DAGLB: variants seen among roughly 807,000 people sequenced by gnomAD.
The protein encoded by DAGLB is diacylglycerol lipase beta.
DAGLB carries 66 observed loss-of-function variants against 72.1 expected under a neutral mutation model. That is an observed-to-expected ratio of 0.92 (90% confidence interval 0.75 to 1.12). The LOEUF (loss-of-function observed/expected upper bound fraction) is 1.12, where lower values mean the gene tolerates loss of function less well. Among genes scored for constraint, DAGLB ranks in the 50% most tolerant of loss-of-function variants. The probability of loss-of-function intolerance (pLI) is 0.00; values close to 1 mark genes in which losing one functional copy is unlikely to be tolerated. For synonymous variants in DAGLB, 414 were observed against 359.5 expected (o/e 1.15, Z -1.71); for missense variants, 1,065 against 884.9 (o/e 1.20, Z -2.58).
intron 3 of DAGLB, among the ~76,000 whole-genome samples, chr7:6,436,100 A>AG (rs1345887917): frequency 9.2e-5 from 14 of 152,186 alleles, no homozygotes; most frequent in Non-Finnish European, 1.3e-4. Context: ...AAAAAAAAAA[A>AG]AGAGAGAGAG....
chr7:6,443,225 A>G (rs1176967147), intron 2 of DAGLB, among the ~76,000 whole-genome samples: 1 of 146,274 alleles, frequency 6.8e-6, no homozygotes, highest in Non-Finnish European at 1.5e-5. Context: ...ACAAAACAAA[A>G]CAAACAAAAA....
intron 9 of DAGLB, chr7:6,417,858 T>C (rs993023517): frequency 6.6e-6 from 1 of 152,086 alleles, no homozygotes; most frequent in Non-Finnish European, 1.5e-5. Flanking sequence ...AATAAAATTT[T>C]ATTTATTTAT....
At chr7:6,440,423 G>T (rs1784792777) in intron 2 of DAGLB, among the ~76,000 whole-genome samples, 1 of 151,688 alleles carries the variant, frequency 6.6e-6, no homozygotes, top group Non-Finnish European at 1.5e-5. Context: ...TTGAGCTACA[G>T]AAGAAGAGGA....
rs532895634 is a variant in DAGLB, at chr7:6,432,073, C to T, written c.801+764G>A. On this transcript the variant is annotated intron_variant, in intron 5 of 14. Coordinates refer to ENST00000297056, the MANE Select transcript of DAGLB (RefSeq NM_139179.4). ...AAGTTAAAAAAATGAAAAATAGGCC[C>T]GGTGTGGTGGCTCATGCCTGTAATC... 5.9e-5 allele frequency among the ~76,000 whole-genome samples: 9 copies of T among 151,954 alleles called. No homozygotes were observed. In the East Asian group the frequency reaches 9.8e-4, roughly 17 times the overall value.
At chr7:6,417,166 CAGG>C in intron 9 of DAGLB, 1 of 457,720 alleles carries the variant, frequency 2.2e-6, no homozygotes, top group Non-Finnish European at 4.0e-6. Context: ...GAGGCCAAGG[CAGG>C]AGGACACTTG....
chr7:6,428,605 A>C (rs1784385889), intron 6 of DAGLB, among the ~76,000 whole-genome samples: 1 of 149,710 alleles, frequency 6.7e-6, no homozygotes, highest in African/African-American at 2.5e-5. Context: ...TCCTGCCTCA[A>C]CCTCCCGAGT....
chr7:6,432,708 G>C (rs1426154429), intron 5 of DAGLB, 129 bp downstream of exon 5: 15 of 1,157,512 alleles, frequency 1.3e-5, no homozygotes, highest in African/African-American at 1.6e-5. Context: ...GGGAGGAGGG[G>C]GAGGGGAGGG....
intron 6 of DAGLB, 36 bp from the exon 7 acceptor site, chr7:6,426,150 G>C (rs1055094755): frequency 1.9e-5 from 31 of 1,609,916 alleles, no homozygotes; most frequent in Non-Finnish European, 2.5e-5. Flanking sequence ...ATGCCGAACA[G>C]AGCCACTTGG....
At chr7:6,447,403 C>G (rs1785042614) in intron 1 of DAGLB, among the ~76,000 whole-genome samples, 1 of 152,218 alleles carries the variant, frequency 6.6e-6, no homozygotes, top group African/African-American at 2.4e-5. Context: ...GAACTCGAGG[C>G]CAAGGCTTTT....
At position 6,425,109 on chromosome 7, in the gene DAGLB, C is replaced by T. The variant is rs147632101; in HGVS notation, c.1057-274G>A. On this transcript the variant is annotated intron_variant, in intron 7 of 14. Coordinates refer to ENST00000297056, the MANE Select transcript of DAGLB (RefSeq NM_139179.4). ...ATTCGGATTGAACTGGCCCAGGGTG[C>T]GGCCTGGACCTCAGCAGTGTTAAAA... Among the ~76,000 whole-genome samples the T allele has an allele frequency of 3.0e-4, 46 of 152,316 alleles. 1 individual carries two copies. In the East Asian group the frequency reaches 7.3e-3, roughly 24 times the overall value.
intron 8 of DAGLB, 151 bp downstream of exon 8, chr7:6,424,601 T>A: frequency 1.4e-6 from 1 of 702,412 alleles, no homozygotes; most frequent in Non-Finnish European, 2.4e-6. Flanking sequence ...AAGGGAGTAT[T>A]TCCCAACCCC....
At chr7:6,425,483 G>A (rs1458162839) in intron 7 of DAGLB, among the ~76,000 whole-genome samples, 1 of 152,094 alleles carries the variant, frequency 6.6e-6, no homozygotes. Flanking sequence ...TATTGGCCAG[G>A]CTGGTCTCGA....
chr7:6,431,109 G>A (rs745739773), intron 5 of DAGLB, among the ~76,000 whole-genome samples: 5 of 151,820 alleles, frequency 3.3e-5, no homozygotes, highest in Admixed American at 1.3e-4. Flanking sequence ...CAGCAAGCAC[G>A]GGGAAGTTAA....
chr7:6,415,809 C>T (rs1230586071), intron 11 of DAGLB, among the ~76,000 whole-genome samples: 7 of 150,448 alleles, frequency 4.7e-5, no homozygotes. Context: ...CACGCCACTG[C>T]ACTCCAGCCT....
chr7:6,410,070 C>T (rs1320646765), intron 14 of DAGLB, 35 bp from the exon 15 acceptor site: 7 of 1,598,440 alleles, frequency 4.4e-6, no homozygotes, highest in Non-Finnish European at 5.1e-6. Context: ...TCCCACGCGG[C>T]CCCAGGGCTG....
chr7:6,411,600 G>A (rs1362400031), intron 13 of DAGLB, among the ~76,000 whole-genome samples: 2 of 152,150 alleles, frequency 1.3e-5, no homozygotes, highest in Non-Finnish European at 2.9e-5. Context: ...CAGCCTGGGT[G>A]ACAAAGCGAG....
chr7:6,443,972 A>G (rs969475231), intron 2 of DAGLB, among the ~76,000 whole-genome samples: 14 of 152,192 alleles, frequency 9.2e-5, no homozygotes, highest in African/African-American at 3.4e-4. Flanking sequence ...TATAAAAAAT[A>G]TGAAGAATAG....
chr7:6,409,731 A>G lies in DAGLB; in HGVS notation c.*106T>C, dbSNP rs1203364625. 2 of 1,272,642 alleles carry G rather than the reference A, an allele frequency of 1.6e-6. No homozygotes were observed. The highest frequency in any genetic ancestry group is 5.0e-5 in the East Asian group (2 of 39,744). 78.8% of individuals were successfully genotyped at this position (1,272,642 alleles called of 1,614,324 possible). ...TTCTGTTCCCATCCGATTCCTGTTG[A>G]TGGACATTCGCTGTTTTGGCGTCAT... is the stretch of plus-strand genomic sequence containing the variant. On this transcript the variant is annotated 3_prime_UTR_variant, in exon 15 of 15. Coordinates refer to ENST00000297056, the MANE Select transcript of DAGLB (RefSeq NM_139179.4).
intron 6 of DAGLB, 116 bp downstream of exon 6, chr7:6,430,364 G>C (rs1027810576): frequency 8.2e-7 from 1 of 1,224,206 alleles, no homozygotes; most frequent in Non-Finnish European, 1.0e-6. Context: ...GGTGACTCTA[G>C]GTAAAGGATT....
Sources: gnomAD v4.1 joint callset for allele counts (sites outside exome capture counted in the v4.1 genomes callset) on GRCh38, gnomAD v4.1.1 for gene constraint, MANE v1.5 for transcripts, NCBI Gene and HGNC (gene_info 2026-07-23, HGNC 2026-07-21) for gene names.